The following SMYD4 variants were observed in gnomAD, a reference collection of about 807,000 sequenced individuals.
The protein encoded by SMYD4 is SET and MYND domain containing 4, also known as protein-lysine N-methyltransferase SMYD4.
A neutral mutation model predicts 72.8 loss-of-function variants in SMYD4; 68 were observed. The observed-to-expected ratio is 0.93, with a 90% confidence interval of 0.77 to 1.14. The LOEUF is 1.14. SMYD4 is among the 50% of genes most tolerant of loss of function. SMYD4 has a pLI of 0.00. For synonymous variants in SMYD4, 407 were observed against 388.6 expected, an observed-to-expected ratio of 1.05 and a Z score of -0.56; for missense variants, 984 against 1,003.7, an observed-to-expected ratio of 0.98 and a Z score of 0.27.
At chr17:1,785,490 C>T (rs942043010) in intron 7 of SMYD4, among the ~76,000 whole-genome samples, 36 of 150,098 alleles carry the variant, frequency 2.4e-4, no homozygotes, top group Non-Finnish European at 4.9e-4. Flanking sequence ...TGGTGGCTCA[C>T]GCCTGTAATC....
chr17:1,783,526 A>G (rs1290812769), intron 8 of SMYD4, 50 bp from the exon 9 acceptor site: 7 of 1,553,878 alleles, frequency 4.5e-6, no homozygotes, highest in Middle Eastern at 1.8e-4. Context: ...GCCCAGTCCT[A>G]GGAATGAGAA....
At chr17:1,788,562 G>A (rs780854738) in intron 5 of SMYD4, among the ~76,000 whole-genome samples, 1 of 151,362 alleles carries the variant, frequency 6.6e-6, no homozygotes, top group Admixed American at 6.6e-5. Flanking sequence ...TGACTAACAC[G>A]GTGAAATCCC....
At chr17:1,793,627 G>A (rs1487831511) in intron 5 of SMYD4, among the ~76,000 whole-genome samples, 1 of 151,592 alleles carries the variant, frequency 6.6e-6, no homozygotes, top group East Asian at 1.9e-4. Flanking sequence ...AAGGAGAGGG[G>A]AAAAAAATCT....
intron 2 of SMYD4, among the ~76,000 whole-genome samples, chr17:1,826,533 A>T (rs996733332): frequency 6.7e-6 from 1 of 150,074 alleles, no homozygotes; most frequent in Non-Finnish European, 1.5e-5. Context: ...AGAAAAGAAA[A>T]GAAATGAAGA....
At chr17:1,818,319 T>A (rs9914094) in intron 2 of SMYD4, among the ~76,000 whole-genome samples, 98,887 of 152,010 alleles carry the variant, frequency 0.65, 33,902 homozygotes, top group Non-Finnish European at 0.79. Flanking sequence ...ATTACTGAGA[T>A]TGGACATAAT....
chr17:1,784,191 T>G, intron 8 of SMYD4, 135 bp downstream of exon 8: 1 of 1,387,504 alleles, frequency 7.2e-7, no homozygotes, highest in Non-Finnish European at 9.9e-7. Flanking sequence ...CTGGCCTATA[T>G]AGCCATCTTG....
chr17:1,812,520 T>C (rs983182643), intron 2 of SMYD4, among the ~76,000 whole-genome samples: 2 of 146,298 alleles, frequency 1.4e-5, no homozygotes, highest in East Asian at 4.1e-4. Flanking sequence ...CTTGAACTCC[T>C]GGGCTCAAAT....
chr17:1,794,069 G>GTGTA (rs1280064134), intron 5 of SMYD4, among the ~76,000 whole-genome samples: 27 of 67,952 alleles, frequency 4.0e-4, no homozygotes, highest in East Asian at 6.3e-4. Context: ...ATATATATGT[G>GTGTA]TATATATATG....
intron 2 of SMYD4, among the ~76,000 whole-genome samples, chr17:1,815,645 A>G (rs920302028): frequency 1.4e-5 from 2 of 147,258 alleles, no homozygotes; most frequent in African/African-American, 2.6e-5. Flanking sequence ...TCAGCACAGC[A>G]AGACCCTGCC....
At chr17:1,797,479 A>G (rs1168850743) in intron 5 of SMYD4, among the ~76,000 whole-genome samples, 2 of 152,140 alleles carry the variant, frequency 1.3e-5, no homozygotes, top group African/African-American at 2.4e-5. Context: ...ATCTATCTTA[A>G]GTAGTGTTAT....
rs1228172209 is a variant in SMYD4, at chr17:1,789,428, C to T, written c.1538-1824G>A. 2.0e-5 allele frequency among the ~76,000 whole-genome samples: 3 copies of T among 151,102 alleles called. No individual in the cohort carries two copies. In the East Asian group the frequency reaches 5.9e-4, roughly 30 times the overall value. ...ATTCACCAAAGAAATAGTCTAGGTA[C>T]AAATGTAATGGATAAAGAAAATATT... On this transcript the variant is annotated intron_variant, in intron 5 of 10. Transcript: ENST00000305513.
chr17:1,808,522 G>A (rs1028246744), intron 3 of SMYD4, among the ~76,000 whole-genome samples: 4 of 151,954 alleles, frequency 2.6e-5, no homozygotes, highest in African/African-American at 7.3e-5. Flanking sequence ...TGTACTTTCC[G>A]AAGTAAACAT....
intron 1 of SMYD4, among the ~76,000 whole-genome samples, chr17:1,828,246 G>A (rs1208974533): frequency 6.6e-6 from 1 of 151,810 alleles, no homozygotes; most frequent in Non-Finnish European, 1.5e-5. Context: ...AGCTACTCGG[G>A]AGGCTGAGGC....
At position 1,781,186 on chromosome 17, in the gene SMYD4, G is replaced by T. The variant is rs1213069820; in HGVS notation, c.*100C>A. 3 of 1,455,954 alleles carry T rather than the reference G, an allele frequency of 2.1e-6. No homozygotes were observed. The highest frequency in any genetic ancestry group is 2.3e-5 in the Admixed American group (1 of 43,736). The allele number at this position is 1,455,954 out of a possible 1,614,324, so 90.2% of individuals were successfully genotyped here. A position where few individuals can be genotyped will look rare whatever the true frequency, so the allele number is the denominator to read the frequency against. On this transcript the variant is annotated 3_prime_UTR_variant, in exon 11 of 11. Coordinates refer to ENST00000305513, the MANE Select transcript of SMYD4 (RefSeq NM_052928.3). ...TCCGCCCACCTTAGCCTCCCAAAGT[G>T]CTGGGATTACAGGCGTGAGCCACCA...
chr17:1,799,409 G>A (rs1245189990), intron 5 of SMYD4, among the ~76,000 whole-genome samples: 1 of 149,414 alleles, frequency 6.7e-6, no homozygotes, highest in Non-Finnish European at 1.5e-5. Flanking sequence ...TCACTCTGTC[G>A]CCAGGCTGGA....
At chr17:1,795,186 C>T (rs1321556923) in intron 5 of SMYD4, among the ~76,000 whole-genome samples, 1 of 63,492 alleles carries the variant, frequency 1.6e-5, no homozygotes, top group Non-Finnish European at 4.3e-5. Flanking sequence ...TGTTGTTGTT[C>T]CCAGTGGGTG....
chr17:1,784,882 G>A (rs1354366090), intron 7 of SMYD4, among the ~76,000 whole-genome samples: 1 of 151,622 alleles, frequency 6.6e-6, no homozygotes, highest in Non-Finnish European at 1.5e-5. Flanking sequence ...CCATTCTCCT[G>A]CCTCAGTCTC....
intron 3 of SMYD4, among the ~76,000 whole-genome samples, chr17:1,808,061 C>G (rs747933041): frequency 2.0e-5 from 3 of 152,116 alleles, no homozygotes; most frequent in Non-Finnish European, 4.4e-5. Flanking sequence ...TAGTTCTTTC[C>G]TGGAGAACAA....
chr17:1,786,276 A>G (rs1028596126), intron 7 of SMYD4, among the ~76,000 whole-genome samples: 1 of 152,236 alleles, frequency 6.6e-6, no homozygotes, highest in African/African-American at 2.4e-5. Context: ...AGGGAAGTCT[A>G]TCTGAGGATG....
Sources: gnomAD v4.1 joint callset for allele counts (sites outside exome capture counted in the v4.1 genomes callset) on GRCh38, gnomAD v4.1.1 for gene constraint, MANE v1.5 for transcripts, NCBI Gene and HGNC (gene_info 2026-07-23, HGNC 2026-07-21) for gene names.